RBFOX1: variants seen among roughly 807,000 people sequenced by gnomAD.
RBFOX1 encodes RNA binding protein fox-1 homolog 1.
Under a neutral mutation model 57.7 loss-of-function variants are expected in RBFOX1, and 8 were observed. That is an observed-to-expected ratio of 0.14 (90% CI 0.08 to 0.25). RBFOX1 has a LOEUF of 0.25. Among genes scored for constraint, RBFOX1 ranks in the 10% least tolerant of loss-of-function variants. The probability of loss-of-function intolerance (pLI) is 1.00; values close to 1 mark genes in which losing one functional copy is unlikely to be tolerated. For synonymous variants in RBFOX1, 326 were observed against 222.4 expected, an observed-to-expected ratio of 1.47 and a Z score of -4.15; for missense variants, 611 against 548.5, an observed-to-expected ratio of 1.11 and a Z score of -1.14.
At chr16:6,262,030 G>C (rs1360187537) in intron 1 of RBFOX1, among the ~76,000 whole-genome samples, 1 of 149,298 alleles carries the variant, frequency 6.7e-6, no homozygotes, top group African/African-American at 2.5e-5. Context: ...CTCTGTCTCA[G>C]AAAAACAAAA....
chr16:7,038,058 A>C (rs149151855), intron 3 of RBFOX1, among the ~76,000 whole-genome samples: 3 of 151,778 alleles, frequency 2.0e-5, no homozygotes, highest in African/African-American at 7.3e-5. Context: ...GAGAGATTCA[A>C]ATGGTATGTA....
chr16:7,204,854 A>G (rs959282515), intron 4 of RBFOX1, among the ~76,000 whole-genome samples: 3 of 152,048 alleles, frequency 2.0e-5, no homozygotes, highest in African/African-American at 7.2e-5. Flanking sequence ...GGCATTCGCC[A>G]TTCTACTCCT....
chr16:5,962,699 G>A (rs980126358), intron 4 of RBFOX1, among the ~76,000 whole-genome samples: 3 of 152,098 alleles, frequency 2.0e-5, no homozygotes, highest in African/African-American at 4.8e-5. Context: ...TTATCATTAA[G>A]AGTAATTATA....
Position 6,381,132 on chromosome 16 carries a change from G to A in RBFOX1, c.-64+64075G>A. On this transcript the variant is annotated intron_variant, in intron 2 of 15. Transcript: ENST00000550418. ...ATGGGAGACAAAAGAATTTGTCTGA[G>A]AGCTGGAGAAGAAGGAATAGATCCT... Among the ~76,000 whole-genome samples the A allele has an allele frequency of 1.3e-5, 2 of 152,150 alleles. 1 individual carries two copies. Among genetic ancestry groups the A allele is most frequent in the Non-Finnish European group, 2.9e-5 (2 of 68,028 alleles).
At chr16:5,764,561 A>C (rs1353808916) in intron 3 of RBFOX1, among the ~76,000 whole-genome samples, 1 of 152,194 alleles carries the variant, frequency 6.6e-6, no homozygotes, top group Non-Finnish European at 1.5e-5. Flanking sequence ...AAGATGCTAG[A>C]GAAAAGAGAG....
chr16:5,455,011 C>CTTTCTTTA, intron 1 of RBFOX1, among the ~76,000 whole-genome samples: 1 of 111,464 alleles, frequency 9.0e-6, no homozygotes, highest in East Asian at 2.8e-4. Context: ...TTCTTTCTTT[C>CTTTCTTTA]TTTCTTTCTT....
At chr16:5,586,897 C>G (rs2046848953) in intron 2 of RBFOX1, among the ~76,000 whole-genome samples, 1 of 152,226 alleles carries the variant, frequency 6.6e-6, no homozygotes, top group Non-Finnish European at 1.5e-5. Context: ...ACACTCTTAG[C>G]TGCTCTGTTC....
At chr16:6,086,146 C>T (rs12923622) in intron 1 of RBFOX1, among the ~76,000 whole-genome samples, 42 of 151,976 alleles carry the variant, frequency 2.8e-4, no homozygotes, top group Non-Finnish European at 3.7e-4. Flanking sequence ...TTGCAAAGGA[C>T]GTGATTTCAT....
intron 12 of RBFOX1, among the ~76,000 whole-genome samples, chr16:7,656,061 G>A (rs2066226417): frequency 6.6e-6 from 1 of 152,180 alleles, no homozygotes; most frequent in South Asian, 2.1e-4. Flanking sequence ...TCTGTGATCA[G>A]TTTGGTTATA....
At chr16:6,421,992 C>A (rs1342409505) in intron 2 of RBFOX1, among the ~76,000 whole-genome samples, 4 of 146,348 alleles carry the variant, frequency 2.7e-5, no homozygotes, top group Non-Finnish European at 5.9e-5. Context: ...GCTATCTCGG[C>A]TCACTGCAAC....
intron 3 of RBFOX1, among the ~76,000 whole-genome samples, chr16:5,866,876 G>A (rs1315821258): frequency 6.6e-6 from 1 of 152,148 alleles, no homozygotes; most frequent in African/African-American, 2.4e-5. Flanking sequence ...TGCTGTTGCT[G>A]TCATTGTAGC....
At chr16:6,169,855 C>G (rs944489289) in intron 1 of RBFOX1, among the ~76,000 whole-genome samples, 1 of 152,184 alleles carries the variant, frequency 6.6e-6, no homozygotes, top group African/African-American at 2.4e-5. Context: ...ACCTCTGCCA[C>G]CTGGGTTCAA....
chr16:6,900,176 G>A (rs778532078), intron 3 of RBFOX1, among the ~76,000 whole-genome samples: 2 of 152,132 alleles, frequency 1.3e-5, no homozygotes, highest in South Asian at 2.1e-4. Flanking sequence ...ATGTTCTTAT[G>A]CTGAGCCTGT....
chr16:6,781,801 T>A (rs549508091), intron 3 of RBFOX1, among the ~76,000 whole-genome samples: 4 of 152,270 alleles, frequency 2.6e-5, no homozygotes, highest in African/African-American at 9.6e-5. Context: ...TATTTGGACA[T>A]TCTCTCTTTT....
At chr16:7,385,473 G>T (rs1436314116) in intron 4 of RBFOX1, among the ~76,000 whole-genome samples, 1 of 152,184 alleles carries the variant, frequency 6.6e-6, no homozygotes, top group East Asian at 1.9e-4. Context: ...TTGGGTGAAT[G>T]GTGCCATGGA....
intron 3 of RBFOX1, among the ~76,000 whole-genome samples, chr16:6,972,659 G>T (rs775987530): frequency 3.0e-4 from 46 of 152,168 alleles, no homozygotes; most frequent in Admixed American, 1.3e-4. Flanking sequence ...CAAATGCTTT[G>T]GGGACAGACA....
chr16:7,674,429 A>G (rs1029171711), intron 13 of RBFOX1, among the ~76,000 whole-genome samples: 1 of 152,216 alleles, frequency 6.6e-6, no homozygotes, highest in African/African-American at 2.4e-5. Context: ...CAGCACAGAT[A>G]TAGAACATTC....
intron 4 of RBFOX1, among the ~76,000 whole-genome samples, chr16:7,133,809 C>G (rs1302593829): frequency 6.6e-6 from 1 of 152,164 alleles, no homozygotes; most frequent in African/African-American, 2.4e-5. Context: ...GACACAGCTT[C>G]TTTGCTGTCA....
chr16:5,468,795 C>G (rs1597190335), intron 2 of RBFOX1, among the ~76,000 whole-genome samples: 1 of 152,240 alleles, frequency 6.6e-6, no homozygotes, highest in African/African-American at 2.4e-5. Context: ...CCTGGATCCT[C>G]TCTGTGCTGA....
Sources: allele counts gnomAD v4.1 joint callset (sites outside exome capture counted in the v4.1 genomes callset), GRCh38; gene constraint gnomAD v4.1.1; transcripts MANE v1.5; gene names NCBI Gene and HGNC (gene_info 2026-07-23, HGNC 2026-07-21).